The following TOGARAM1 variants were observed in gnomAD, a reference collection of about 807,000 sequenced individuals.
The protein encoded by TOGARAM1 is TOG array regulator of axonemal microtubules 1.
TOGARAM1 carries 100 observed loss-of-function variants against 166.6 expected under a neutral mutation model. The ratio of observed to expected loss-of-function variants is 0.60; its 90% CI spans 0.51 to 0.71. The LOEUF is 0.71. TOGARAM1 is among the 30% of genes least tolerant of loss of function. The probability of loss-of-function intolerance (pLI) is 0.00; values close to 1 mark genes in which losing one functional copy is unlikely to be tolerated. For missense variants in TOGARAM1, 2,029 were observed against 2,102.7 expected (o/e 0.96, Z 0.69); for synonymous variants, 758 against 763.8 (o/e 0.99, Z 0.13).
In TOGARAM1 at chr14:44,964,411, G is replaced by A. The variant is rs778070330; in HGVS notation, c.1990G>A (p.Glu664Lys). The change falls in exon 1 of 20, where the codon GAG becomes AAG. Residue 664 changes from glutamate (E) to lysine (K), a missense_variant. Physicochemically the swap from Glu to Lys is moderately conservative, Grantham distance 56. Coordinates refer to ENST00000361462, the MANE Select transcript of TOGARAM1 (RefSeq NM_001308120.2). ...AAAAAATAAATTACCATGGGAAAAT[G>A]AGCAACCTGGAATCATGGGAGAAAA... Reference protein sequence around the residue: ...KGKNKLPWENEQPGIMGENQT... With the variant: ...KGKNKLPWENKQPGIMGENQT... 6.2e-6 allele frequency: 10 copies of A among 1,610,864 alleles called. No homozygotes were observed. The South Asian group carries it at 1.1e-4, about 18-fold the overall frequency.
In TOGARAM1 at chr14:45,046,576, GC is replaced by G; in HGVS notation, c.4189del (p.Gln1397SerfsTer52). ...HLHIAVRRCT[A>X]QHLSDVLEFM... ...ACACATTGCTGTAAGAAGGTGTACAGCCCAGCATTTATCAGATGTATTGGAA... is the reference window on the plus strand; with the variant it reads ...ACACATTGCTGTAAGAAGGTGTACAGCCAGCATTTATCAGATGTATTGGAA... On this transcript the variant is annotated frameshift_variant, in exon 14 of 20. Transcript: ENST00000361462. LOFTEE classifies it high-confidence loss of function. 1 of 1,377,014 alleles carries G rather than the reference GC, an allele frequency of 7.3e-7. No individual in the cohort carries two copies. Among genetic ancestry groups the G allele is most frequent in the Non-Finnish European group, 9.4e-7 (1 of 1,058,470 alleles). 85.3% of individuals were successfully genotyped at this position (1,377,014 alleles called of 1,614,324 possible). A position where few individuals can be genotyped will look rare whatever the true frequency, so the allele number is the denominator to read the frequency against.
At chr14:44,992,114 A>G (rs1887175118) in intron 1 of TOGARAM1, among the ~76,000 whole-genome samples, 1 of 150,692 alleles carries the variant, frequency 6.6e-6, no homozygotes, top group African/African-American at 2.4e-5. Context: ...AAACCAAAAA[A>G]AAAACACCAA....
chr14:45,024,943 T>A (rs138631839), intron 7 of TOGARAM1, among the ~76,000 whole-genome samples: 1 of 152,216 alleles, frequency 6.6e-6, no homozygotes, highest in African/African-American at 2.4e-5. Context: ...CTCTTTTCTT[T>A]TTTTGCCTTG....
intron 13 of TOGARAM1, among the ~76,000 whole-genome samples, chr14:45,045,543 G>GTATATATA (rs375962126): frequency 1.0e-4 from 4 of 38,898 alleles, no homozygotes; most frequent in South Asian, 9.0e-4. Flanking sequence ...GTCTGTGTGT[G>GTATATATA]TATATATATA....
intron 1 of TOGARAM1, among the ~76,000 whole-genome samples, chr14:44,973,525 A>G (rs1886009658): frequency 6.7e-6 from 1 of 150,260 alleles, no homozygotes; most frequent in Non-Finnish European, 1.5e-5. Context: ...TCTGTTAAAA[A>G]TATGAAAAAT....
At chr14:45,066,485 A>G in intron 16 of TOGARAM1, 93 bp from the exon 17 acceptor site, 1 of 1,183,872 alleles carries the variant, frequency 8.4e-7, no homozygotes, top group Non-Finnish European at 1.2e-6. Context: ...ATTTTGGAAA[A>G]TGAATGCATA....
rs573557566 is a variant in TOGARAM1, at chr14:45,073,663, A to G, written c.*102A>G. ...CAGTGCCTGCACTTCACATCCAGCA[A>G]ATTAAGTCAATGGCTATTTTTATTT... On this transcript the variant is annotated 3_prime_UTR_variant, in exon 20 of 20. Transcript: ENST00000361462. The G allele has an allele frequency of 3.8e-6, 4 of 1,061,536 alleles. No homozygotes were observed. The highest frequency in any genetic ancestry group is 5.3e-6 in the Non-Finnish European group (4 of 749,658). The allele number at this position is 1,061,536 out of a possible 1,614,324, so 65.8% of individuals were successfully genotyped here.
intron 1 of TOGARAM1, among the ~76,000 whole-genome samples, chr14:44,980,540 G>A (rs184154555): frequency 1.4e-4 from 22 of 152,268 alleles, no homozygotes; most frequent in East Asian, 5.8e-4. Context: ...AATTAGTTGG[G>A]CATGGTGGCA....
intron 11 of TOGARAM1, among the ~76,000 whole-genome samples, chr14:45,039,850 G>A (rs544342080): frequency 6.6e-6 from 1 of 152,218 alleles, no homozygotes; most frequent in Non-Finnish European, 1.5e-5. Context: ...CGGGGGCATG[G>A]CTCCCACCTG....
At chr14:45,023,900 A>G (rs1410724203) in intron 7 of TOGARAM1, among the ~76,000 whole-genome samples, 2 of 151,966 alleles carry the variant, frequency 1.3e-5, no homozygotes, top group Admixed American at 1.3e-4. Context: ...GCCACCATGC[A>G]TGGCTAATTT....
At chr14:44,998,500 A>G (rs1032407796) in intron 2 of TOGARAM1, among the ~76,000 whole-genome samples, 5 of 152,228 alleles carry the variant, frequency 3.3e-5, no homozygotes, top group African/African-American at 1.2e-4. Context: ...GGATCACCTG[A>G]GATCAGGAGT....
In TOGARAM1 at chr14:45,058,436, A is replaced by G. The variant is rs1461167964; in HGVS notation, c.4559+3887A>G. Among the ~76,000 whole-genome samples, 5 of 152,032 alleles carry G rather than the reference A, an allele frequency of 3.3e-5. No homozygotes were observed. In the South Asian group the frequency reaches 1.0e-3, roughly 32 times the overall value. The stretch of plus-strand genomic sequence containing the variant: ...CAGCATCCCTAGTAGCTGGGACTAT[A>G]GGCACACACCATCATGCCCGGCTAA... On this transcript the variant is annotated intron_variant, in intron 16 of 19. Coordinates refer to ENST00000361462, the MANE Select transcript of TOGARAM1 (RefSeq NM_001308120.2).
chr14:44,999,953 A>T (rs1037911404), intron 3 of TOGARAM1, among the ~76,000 whole-genome samples: 3 of 152,168 alleles, frequency 2.0e-5, no homozygotes, highest in African/African-American at 7.2e-5. Flanking sequence ...ATTGTGCTAT[A>T]CTGAGCACTA....
At chr14:44,969,770 A>C (rs969515768) in intron 1 of TOGARAM1, among the ~76,000 whole-genome samples, 1 of 152,016 alleles carries the variant, frequency 6.6e-6, no homozygotes, top group Non-Finnish European at 1.5e-5. Context: ...TTACATGTGC[A>C]TGTTCAGTTG....
At chr14:45,068,669 A>G in intron 18 of TOGARAM1, 26 bp downstream of exon 18, 3 of 1,500,146 alleles carry the variant, frequency 2.0e-6, no homozygotes, top group Non-Finnish European at 2.7e-6. Flanking sequence ...TCGGCACTCA[A>G]ATTATTTTCA....
intron 16 of TOGARAM1, among the ~76,000 whole-genome samples, chr14:45,063,479 G>GTTTTTTTTTTTTTTTTTTTTTTTTTTT (rs373702236): frequency 4.2e-5 from 5 of 118,690 alleles, no homozygotes; most frequent in South Asian, 2.6e-4. Context: ...ATTTGACAAA[G>GTTTTTTTTTTTTTTTTTTTTTTTTTTT]TTTTTTTTTT....
chr14:45,061,313 A>G (rs1007086901), intron 16 of TOGARAM1, among the ~76,000 whole-genome samples: 4 of 152,226 alleles, frequency 2.6e-5, no homozygotes, highest in African/African-American at 7.2e-5. Flanking sequence ...ACTTTCTGTC[A>G]GCAAATGATT....
At chr14:45,066,310 T>C (rs1883135361) in intron 16 of TOGARAM1, among the ~76,000 whole-genome samples, 1 of 152,090 alleles carries the variant, frequency 6.6e-6, no homozygotes, top group African/African-American at 2.4e-5. Context: ...CCTCAGCTGA[T>C]TTTGTTTGGT....
Position 45,009,017 on chromosome 14 carries a change from C to T in TOGARAM1, c.3009C>T (p.Leu1003=), listed in dbSNP as rs146750290. 9.3e-6 allele frequency: 15 copies of T among 1,613,926 alleles called. No individual in the cohort carries two copies. The highest frequency in any genetic ancestry group is 1.6e-4 in the Middle Eastern group (1 of 6,084). The change falls in exon 6 of 20, where the codon CTC becomes CTT. Residue 1003 remains leucine, a synonymous_variant. Transcript: ENST00000361462. ...AAAGCCCTGATTCTGCAATGAAGCT[C>T]GACTTGACGATGGACTCCCCGTCTC... The part of the protein sequence containing the change: ...DLESPDSAMK[L]DLTMDSPSLS...
Sources: gnomAD v4.1 joint callset for allele counts (sites outside exome capture counted in the v4.1 genomes callset) on GRCh38, gnomAD v4.1.1 for gene constraint, MANE v1.5 for transcripts, NCBI Gene and HGNC (gene_info 2026-07-23, HGNC 2026-07-21) for gene names.